The following GNAT3 variants were observed in gnomAD, a reference collection of about 807,000 sequenced individuals.
The protein encoded by GNAT3 is guanine nucleotide-binding protein G(t) subunit alpha-3.
Under a neutral mutation model 37.7 loss-of-function variants are expected in GNAT3, and 31 were observed. The observed-to-expected ratio is 0.82, with a 90% confidence interval of 0.62 to 1.11. The LOEUF (loss-of-function observed/expected upper bound fraction) is 1.11. Among genes scored for constraint, GNAT3 ranks in the 50% most tolerant of loss-of-function variants. The pLI, the probability that GNAT3 is intolerant of heterozygous loss-of-function variation, is 0.00. For synonymous variants in GNAT3, 138 were observed against 139.8 expected, an observed-to-expected ratio of 0.99 and a Z score of 0.09; for missense variants, 437 against 412.5, an observed-to-expected ratio of 1.06 and a Z score of -0.51.
At chr7:80,496,741 G>A (rs1790724021) in intron 1 of GNAT3, among the ~76,000 whole-genome samples, 1 of 152,050 alleles carries the variant, frequency 6.6e-6, no homozygotes, top group East Asian at 1.9e-4. Flanking sequence ...CCTTTGTACT[G>A]CGCATCATTT....
intron 5 of GNAT3, among the ~76,000 whole-genome samples, chr7:80,464,728 G>A (rs1368167906): frequency 1.3e-5 from 2 of 151,984 alleles, no homozygotes; most frequent in African/African-American, 2.4e-5. Flanking sequence ...AATGTCTACC[G>A]ATCTGATTAT....
chr7:80,507,847 A>G (rs1223186707), intron 1 of GNAT3, among the ~76,000 whole-genome samples: 2 of 152,056 alleles, frequency 1.3e-5, no homozygotes, highest in Admixed American at 6.6e-5. Flanking sequence ...TTGTTGAATA[A>G]GTGAAACCAT....
intron 2 of GNAT3, among the ~76,000 whole-genome samples, chr7:80,489,132 A>G (rs1790543663): frequency 6.6e-6 from 1 of 152,058 alleles, no homozygotes; most frequent in Non-Finnish European, 1.5e-5. Context: ...CCTGCTTTCT[A>G]TTTACAGCAT....
intron 4 of GNAT3, among the ~76,000 whole-genome samples, chr7:80,478,377 C>T (rs1334080125): frequency 6.6e-6 from 1 of 152,112 alleles, no homozygotes; most frequent in African/African-American, 2.4e-5. Context: ...TTTTGGAAAT[C>T]ATTTCATTAA....
chr7:80,491,579 A>C (rs182715676), intron 2 of GNAT3, among the ~76,000 whole-genome samples: 2 of 152,282 alleles, frequency 1.3e-5, no homozygotes, highest in East Asian at 3.9e-4. Flanking sequence ...AATAAAGGAG[A>C]TAGTTAGACG....
chr7:80,510,639 A>G (rs1791048847), intron 1 of GNAT3, among the ~76,000 whole-genome samples: 2 of 152,012 alleles, frequency 1.3e-5, no homozygotes, highest in Admixed American at 6.6e-5. Flanking sequence ...AAAGTCACCA[A>G]CCTCTGGGTA....
At chr7:80,491,535 A>C (rs767111626) in intron 2 of GNAT3, among the ~76,000 whole-genome samples, 4 of 152,174 alleles carry the variant, frequency 2.6e-5, no homozygotes, top group Non-Finnish European at 4.4e-5. Flanking sequence ...AGAGACACTA[A>C]CATTTTAAAT....
At chr7:80,489,258 C>T (rs910329116) in intron 2 of GNAT3, among the ~76,000 whole-genome samples, 3 of 152,110 alleles carry the variant, frequency 2.0e-5, no homozygotes, top group Non-Finnish European at 2.9e-5. Flanking sequence ...TTTTATTTGG[C>T]TGAACTCTTC....
At chr7:80,464,195 A>C (rs2116141745) in intron 5 of GNAT3, among the ~76,000 whole-genome samples, 1 of 152,078 alleles carries the variant, frequency 6.6e-6, no homozygotes, top group South Asian at 2.1e-4. Context: ...TAGACTTAAT[A>C]GGAAATATCC....
At chr7:80,473,776 T>G (rs1205880283) in intron 5 of GNAT3, among the ~76,000 whole-genome samples, 1 of 152,184 alleles carries the variant, frequency 6.6e-6, no homozygotes, top group South Asian at 2.1e-4. Flanking sequence ...TTATAAAATA[T>G]GCCTTGTTAT....
chr7:80,459,627 GC>G (rs1251436005), intron 7 of GNAT3, among the ~76,000 whole-genome samples: 1 of 152,096 alleles, frequency 6.6e-6, no homozygotes, highest in Non-Finnish European at 1.5e-5. Flanking sequence ...AAACAAGTAG[GC>G]TAAAAAATAC....
At chr7:80,460,602 G>T (rs1278227252) in intron 7 of GNAT3, among the ~76,000 whole-genome samples, 5 of 152,154 alleles carry the variant, frequency 3.3e-5, no homozygotes, top group South Asian at 2.1e-4. Flanking sequence ...ACAATAATTA[G>T]CCGGGCGTGG....
intron 5 of GNAT3, among the ~76,000 whole-genome samples, chr7:80,463,244 CTT>C (rs932771337): frequency 2.0e-5 from 3 of 152,060 alleles, no homozygotes; most frequent in African/African-American, 7.2e-5. Flanking sequence ...TACAGAAAGA[CTT>C]AAGTTAGCCT....
chr7:80,479,545 T>C (rs1458226510), intron 3 of GNAT3, among the ~76,000 whole-genome samples: 1 of 151,418 alleles, frequency 6.6e-6, no homozygotes, highest in Non-Finnish European at 1.5e-5. Context: ...CATGGCAAAA[T>C]TTTTCTCTAC....
At chr7:80,487,405 C>T (rs893238506) in intron 3 of GNAT3, among the ~76,000 whole-genome samples, 1 of 152,146 alleles carries the variant, frequency 6.6e-6, no homozygotes, top group Non-Finnish European at 1.5e-5. Context: ...TACCTGACTC[C>T]TTGCTTTATA....
At chr7:80,507,250 GA>G (rs1790963966) in intron 1 of GNAT3, among the ~76,000 whole-genome samples, 1 of 151,756 alleles carries the variant, frequency 6.6e-6, no homozygotes, top group South Asian at 2.1e-4. Flanking sequence ...TAGAGTTGAT[GA>G]ACTTGTAATC....
chr7:80,475,459 A>T (rs200495912), intron 4 of GNAT3, among the ~76,000 whole-genome samples: 1 of 152,176 alleles, frequency 6.6e-6, no homozygotes, highest in East Asian at 1.9e-4. Context: ...TAGCAATATC[A>T]CTATTTCTGT....
At chr7:80,470,839 A>G (rs1010975425) in intron 5 of GNAT3, among the ~76,000 whole-genome samples, 22 of 152,008 alleles carry the variant, frequency 1.4e-4, no homozygotes, top group South Asian at 2.1e-4. Context: ...CATTAATGCA[A>G]ATGTTATATT....
At chr7:80,480,570 C>T (rs1180395359) in intron 3 of GNAT3, among the ~76,000 whole-genome samples, 3 of 152,048 alleles carry the variant, frequency 2.0e-5, no homozygotes, top group Non-Finnish European at 1.5e-5. Context: ...AATGGCTACT[C>T]CATATACAGA....
Sources: allele counts gnomAD v4.1 joint callset (sites outside exome capture counted in the v4.1 genomes callset), GRCh38; gene constraint gnomAD v4.1.1; transcripts MANE v1.5; gene names NCBI Gene and HGNC (gene_info 2026-07-23, HGNC 2026-07-21).